Variants in PIP4K2A observed in about 807,000 individuals in gnomAD.
The protein encoded by PIP4K2A is phosphatidylinositol-5-phosphate 4-kinase type 2 alpha, also known as phosphatidylinositol 5-phosphate 4-kinase type-2 alpha.
In PIP4K2A, 14 loss-of-function variants were observed where a neutral mutation model predicts 42.9. That is an observed-to-expected ratio of 0.33 (90% CI 0.22 to 0.51). The LOEUF is 0.51. PIP4K2A is among the 20% of genes least tolerant of loss of function. The probability of loss-of-function intolerance (pLI) is 0.97; values close to 1 mark genes in which losing one functional copy is unlikely to be tolerated. For synonymous variants in PIP4K2A, 192 were observed against 192.2 expected (o/e 1.00, Z 0.01); for missense variants, 434 against 519.8 (o/e 0.83, Z 1.61).
chr10:22,687,658 G>C (rs538424446), intron 1 of PIP4K2A, among the ~76,000 whole-genome samples: 1 of 151,970 alleles, frequency 6.6e-6, no homozygotes, highest in Non-Finnish European at 1.5e-5. Flanking sequence ...ACCAAAATCC[G>C]CAACGATCAA....
intron 4 of PIP4K2A, among the ~76,000 whole-genome samples, chr10:22,585,097 T>C (rs1837363508): frequency 6.6e-6 from 1 of 152,198 alleles, no homozygotes; most frequent in Non-Finnish European, 1.5e-5. Context: ...ACCTTTTCTC[T>C]TTTGGTGCTA....
chr10:22,653,352 C>T (rs1440882180), intron 1 of PIP4K2A, among the ~76,000 whole-genome samples: 1 of 152,106 alleles, frequency 6.6e-6, no homozygotes, highest in South Asian at 2.1e-4. Flanking sequence ...CTCTTTCTAC[C>T]CAGTGTCACA....
At chr10:22,566,366 ACTC>A (rs1836847688) in intron 6 of PIP4K2A, among the ~76,000 whole-genome samples, 1 of 151,960 alleles carries the variant, frequency 6.6e-6, no homozygotes, top group African/African-American at 2.4e-5. Context: ...GACATTTCAA[ACTC>A]CTCCTCCTGC....
At position 22,664,224 on chromosome 10, in the gene PIP4K2A, T is replaced by TACACACACAC. The variant is rs1554807340; in HGVS notation, c.144+49958_144+49959insGTGTGTGTGT. On this transcript the variant is annotated intron_variant, in intron 1 of 9. Transcript: ENST00000376573. ...ATATACATATATATATATACATATA[T>TACACACACAC]ATATACACACACACACACACACACA... 9.9e-4 allele frequency among the ~76,000 whole-genome samples: 52 copies of TACACACACAC among 52,740 alleles called. 2 individuals are homozygous for TACACACACAC. Among genetic ancestry groups the TACACACACAC allele is most frequent in the African/African-American group, 4.2e-3 (51 of 12,286 alleles). 34.6% of individuals were successfully genotyped at this position (52,740 alleles called of 152,430 possible). A position where few individuals can be genotyped will look rare whatever the true frequency, so the allele number is the denominator to read the frequency against.
chr10:22,657,206 G>C (rs150716154), intron 1 of PIP4K2A, among the ~76,000 whole-genome samples: 1 of 152,172 alleles, frequency 6.6e-6, no homozygotes, highest in African/African-American at 2.4e-5. Flanking sequence ...AGCACCAACC[G>C]CCCCAGACAG....
At chr10:22,692,989 G>A (rs1839904189) in intron 1 of PIP4K2A, among the ~76,000 whole-genome samples, 1 of 152,180 alleles carries the variant, frequency 6.6e-6, no homozygotes, top group Non-Finnish European at 1.5e-5. Context: ...CTGATACCTG[G>A]TGTGTGTCCC....
At chr10:22,575,057 A>C (rs1193813033) in intron 4 of PIP4K2A, among the ~76,000 whole-genome samples, 1 of 152,164 alleles carries the variant, frequency 6.6e-6, no homozygotes, top group Non-Finnish European at 1.5e-5. Flanking sequence ...GCAAGTTACC[A>C]AATCACTCCA....
chr10:22,611,517 G>A (rs1449161738), intron 1 of PIP4K2A, among the ~76,000 whole-genome samples: 4 of 151,876 alleles, frequency 2.6e-5, no homozygotes, highest in Admixed American at 2.6e-4. Context: ...AAGGCCAAAT[G>A]CAAAGAGAAG....
At chr10:22,581,037 C>T (rs897911835) in intron 4 of PIP4K2A, among the ~76,000 whole-genome samples, 1 of 152,228 alleles carries the variant, frequency 6.6e-6, no homozygotes, top group African/African-American at 2.4e-5. Flanking sequence ...CCGTGTGTGG[C>T]TCAGAAATTA....
chr10:22,568,231 T>C (rs144081356), intron 5 of PIP4K2A, among the ~76,000 whole-genome samples: 30 of 152,344 alleles, frequency 2.0e-4, no homozygotes, highest in African/African-American at 7.2e-4. Context: ...GCCCCACACT[T>C]TACTCCTTGT....
chr10:22,625,730 C>T (rs1398012740), intron 1 of PIP4K2A, among the ~76,000 whole-genome samples: 1 of 152,164 alleles, frequency 6.6e-6, no homozygotes, highest in Non-Finnish European at 1.5e-5. Context: ...TCAGGCTGGC[C>T]AGAGGCAGGA....
chr10:22,653,680 G>A (rs1466671916), intron 1 of PIP4K2A, among the ~76,000 whole-genome samples: 1 of 152,124 alleles, frequency 6.6e-6, no homozygotes, highest in Non-Finnish European at 1.5e-5. Flanking sequence ...TCGGGAGGCT[G>A]AGGTGGGTGG....
intron 1 of PIP4K2A, among the ~76,000 whole-genome samples, chr10:22,615,762 T>C (rs1014468511): frequency 1.3e-5 from 2 of 152,180 alleles, no homozygotes; most frequent in Non-Finnish European, 2.9e-5. Flanking sequence ...ACTTTACACT[T>C]AATGGTTGTC....
intron 6 of PIP4K2A, among the ~76,000 whole-genome samples, chr10:22,564,063 A>G (rs1013518612): frequency 6.6e-6 from 1 of 152,246 alleles, no homozygotes; most frequent in African/African-American, 2.4e-5. Flanking sequence ...CTATACCAAT[A>G]AAGGGACTAA....
chr10:22,564,156 G>T (rs1462482716), intron 6 of PIP4K2A, among the ~76,000 whole-genome samples: 2 of 152,226 alleles, frequency 1.3e-5, no homozygotes, highest in Non-Finnish European at 2.9e-5. Flanking sequence ...AGGTGCAACA[G>T]CGGAACGGAA....
intron 1 of PIP4K2A, among the ~76,000 whole-genome samples, chr10:22,687,162 A>T (rs1464078487): frequency 6.6e-6 from 1 of 151,112 alleles, no homozygotes; most frequent in Non-Finnish European, 1.5e-5. Flanking sequence ...AAAAAAAAGG[A>T]TGAAGGAAAT....
At chr10:22,573,165 C>A (rs1274037884) in intron 5 of PIP4K2A, 146 bp downstream of exon 5, 4 of 676,788 alleles carry the variant, frequency 5.9e-6, no homozygotes, top group Admixed American at 5.5e-5. Context: ...GCACTTATTG[C>A]CTCACAGGAA....
intron 1 of PIP4K2A, among the ~76,000 whole-genome samples, chr10:22,654,638 A>G (rs1020859702): frequency 7.2e-5 from 11 of 152,156 alleles, no homozygotes; most frequent in Middle Eastern, 3.2e-3. Flanking sequence ...TCAAGTGTGC[A>G]TTCCCAAGAA....
rs570970808 is a variant in PIP4K2A at position 22,674,330 on chromosome 10, T to C, written c.144+39853A>G. On this transcript the variant is annotated intron_variant, in intron 1 of 9. Coordinates refer to ENST00000376573, the MANE Select transcript of PIP4K2A (RefSeq NM_005028.5). ...TGGTGAATTCTCCCTCCAAAAACAC[T>C]CTTTCCGTATATACCAGACACTGTG... is the stretch of plus-strand genomic sequence containing the variant. Among the ~76,000 whole-genome samples, 493 of 149,628 alleles carry C rather than the reference T, an allele frequency of 3.3e-3. 1 individual carries two copies. The highest frequency in any genetic ancestry group is 5.5e-3 in the Non-Finnish European group (375 of 67,736).
Sources: allele counts gnomAD v4.1 joint callset (sites outside exome capture counted in the v4.1 genomes callset), GRCh38; gene constraint gnomAD v4.1.1; transcripts MANE v1.5; gene names NCBI Gene and HGNC (gene_info 2026-07-23, HGNC 2026-07-21).